STON1: variants seen among roughly 807,000 people sequenced by gnomAD.
STON1 encodes the protein stonin-1.
In STON1, 79 loss-of-function variants were observed where a neutral mutation model predicts 60.9. The observed-to-expected ratio is 1.30, with a 90% CI of 1.08 to 1.56. The LOEUF (loss-of-function observed/expected upper bound fraction) is 1.56. STON1 is among the 40% of genes most tolerant of loss of function. The pLI, the probability that STON1 is intolerant of heterozygous loss-of-function variation, is 0.00. For missense variants in STON1, 1,166 were observed against 858.9 expected, an observed-to-expected ratio of 1.36 and a Z score of -4.47; for synonymous variants, 363 against 306.9, an observed-to-expected ratio of 1.18 and a Z score of -1.91.
chr2:48,564,718 T>TTC (rs1474797771), intron 1 of STON1, among the ~76,000 whole-genome samples: 8 of 138,998 alleles, frequency 5.8e-5, no homozygotes, highest in African/African-American at 2.1e-4. Flanking sequence ...TTATTTCTTC[T>TTC]TTCTTTCTTT....
intron 1 of STON1, among the ~76,000 whole-genome samples, chr2:48,547,352 G>A (rs1671901335): frequency 6.6e-6 from 1 of 152,146 alleles, no homozygotes; most frequent in Non-Finnish European, 1.5e-5. Flanking sequence ...CATGGAGTGT[G>A]TTCATGACAG....
intron 2 of STON1, among the ~76,000 whole-genome samples, chr2:48,584,234 G>C (rs1674069189): frequency 6.6e-6 from 1 of 152,004 alleles, no homozygotes; most frequent in Non-Finnish European, 1.5e-5. Flanking sequence ...ATTTTTCTTT[G>C]GGGTGGCCTT....
intron 1 of STON1, among the ~76,000 whole-genome samples, chr2:48,541,556 G>A (rs1467883839): frequency 4.0e-5 from 6 of 148,974 alleles, no homozygotes; most frequent in Admixed American, 1.3e-4. Flanking sequence ...AAAATTAGTC[G>A]GGCATGGTGG....
chr2:48,532,346 CTAAA>C (rs10564346), intron 1 of STON1, among the ~76,000 whole-genome samples: 64,533 of 134,096 alleles, frequency 0.48, 15,916 homozygotes, highest in East Asian at 0.8. Flanking sequence ...AAGACTCTGT[CTAAA>C]TAAATAAATA....
chr2:48,552,449 T>C (rs1672143505), intron 1 of STON1, among the ~76,000 whole-genome samples: 1 of 152,120 alleles, frequency 6.6e-6, no homozygotes, highest in Admixed American at 6.6e-5. Context: ...ACAATGTGAA[T>C]GTATTTAATG....
rs183546396 is a variant in STON1 at position 48,598,284 on chromosome 2, C to G, written c.*2982C>G. 3 of 152,612 alleles carry G rather than the reference C, an allele frequency of 2.0e-5. No homozygotes were observed. In the East Asian group the frequency reaches 5.8e-4, roughly 29 times the overall value. 9.5% of individuals were successfully genotyped at this position (152,612 alleles called of 1,614,324 possible). ...AACCTGATGTATATATTAGACAGTT[C>G]TAGGATGTTAGTTCCCTTCATTCCA... On this transcript the variant is annotated 3_prime_UTR_variant, in exon 4 of 4. Transcript: ENST00000404752.
At chr2:48,570,131 T>A (rs1238409306) in intron 1 of STON1, among the ~76,000 whole-genome samples, 1 of 152,154 alleles carries the variant, frequency 6.6e-6, no homozygotes, top group Non-Finnish European at 1.5e-5. Flanking sequence ...GGTCAGGAGT[T>A]TGAGGCCAGC....
intron 1 of STON1, among the ~76,000 whole-genome samples, chr2:48,563,474 G>A (rs1051595902): frequency 3.9e-5 from 6 of 152,212 alleles, no homozygotes; most frequent in Non-Finnish European, 8.8e-5. Context: ...CTTGTCCTGA[G>A]TGATGCTAAG....
At chr2:48,539,659 A>C (rs1354603387) in intron 1 of STON1, among the ~76,000 whole-genome samples, 1 of 151,994 alleles carries the variant, frequency 6.6e-6, no homozygotes, top group Admixed American at 6.6e-5. Flanking sequence ...ATGCCAGCAC[A>C]CCAGGCTAAT....
rs750430401 is a variant in STON1, at chr2:48,581,469, T to G, written c.836T>G (p.Met279Arg). 1.2e-6 allele frequency: 2 copies of G among 1,614,124 alleles called. No homozygotes were observed. ...CAGCCAAAATCCGGATGGTCTTTCA[T>G]GCTGAGAATTCCTGAGAAGAAGAAT... ...RSQPKSGWSF[M>R]LRIPEKKNMM... The change falls in exon 2 of 4, where the codon ATG (methionine) becomes AGG (arginine). Residue 279 changes from methionine to arginine, a missense_variant. Physicochemically the swap from Met to Arg is moderately conservative, Grantham distance 91. Transcript: ENST00000404752.
intron 1 of STON1, among the ~76,000 whole-genome samples, chr2:48,561,679 G>A (rs1672619712): frequency 6.6e-6 from 1 of 152,150 alleles, no homozygotes; most frequent in Non-Finnish European, 1.5e-5. Context: ...ATTGTCAGTT[G>A]TGACAATGAA....
chr2:48,544,862 A>G (rs944305014), intron 1 of STON1, among the ~76,000 whole-genome samples: 2 of 152,206 alleles, frequency 1.3e-5, no homozygotes, highest in Non-Finnish European at 2.9e-5. Flanking sequence ...GTTTGATGCT[A>G]CAAACCTTGT....
chr2:48,582,181 T>C lies in STON1; in HGVS notation c.1548T>C (p.Arg516=). 1 of 1,614,194 alleles carries C rather than the reference T, an allele frequency of 6.2e-7. No individual in the cohort carries two copies. Among genetic ancestry groups the C allele is most frequent in the Non-Finnish European group, 8.5e-7 (1 of 1,180,048 alleles). ...PLDACRFELM[R]FKTLYNGDNL... Reference sequence around the variant, plus strand: ...ATGCCTGCCGGTTTGAGCTGATGCGTTTCAAGACTTTGTATAATGGGGATA... The same window carrying C: ...ATGCCTGCCGGTTTGAGCTGATGCGCTTCAAGACTTTGTATAATGGGGATA... The change falls in exon 2 of 4, where the codon CGT becomes CGC. Residue 516 remains arginine, a synonymous_variant. Transcript: ENST00000404752.
At position 48,582,304 on chromosome 2, in the gene STON1, C is replaced by T; in HGVS notation, c.1671C>T (p.Ser557=). Residue 557 remains serine (S), a synonymous_variant, in exon 2 of 4, where the codon TCC becomes TCT. Coordinates refer to ENST00000404752, the MANE Select transcript of STON1 (RefSeq NM_006873.4). ...TGGCCTCATTGGCGCAGAGGTCATCCTATGCTGGTTCCTTAAGGTCCTGTG... is the reference window on the plus strand; with the variant it reads ...TGGCCTCATTGGCGCAGAGGTCATCTTATGCTGGTTCCTTAAGGTCCTGTG... The part of the protein sequence containing the change: ...VNMASLAQRS[S]YAGSLRSCDN... 2 of 1,614,164 alleles carry T rather than the reference C, an allele frequency of 1.2e-6. No homozygotes were observed. Among genetic ancestry groups the T allele is most frequent in the East Asian group, 2.2e-5 (1 of 44,882 alleles).
intron 1 of STON1, among the ~76,000 whole-genome samples, chr2:48,551,294 A>G (rs1400622483): frequency 6.6e-6 from 1 of 152,186 alleles, no homozygotes; most frequent in Non-Finnish European, 1.5e-5. Context: ...TTGGGGACAT[A>G]GTGCAACAAA....
chr2:48,564,499 TTC>T (rs1200491559), intron 1 of STON1, among the ~76,000 whole-genome samples: 2 of 21,428 alleles, frequency 9.3e-5, no homozygotes, highest in African/African-American at 2.1e-4. Flanking sequence ...CTTCTTCTTC[TTC>T]TTCTTCTTCT....
intron 1 of STON1, among the ~76,000 whole-genome samples, chr2:48,560,238 A>G (rs1672554953): frequency 6.6e-6 from 1 of 152,066 alleles, no homozygotes; most frequent in Non-Finnish European, 1.5e-5. Flanking sequence ...GGGAGAGGAG[A>G]AGGAGGAAAT....
At chr2:48,573,689 T>C (rs1673332731) in intron 1 of STON1, among the ~76,000 whole-genome samples, 2 of 152,170 alleles carry the variant, frequency 1.3e-5, no homozygotes, top group Admixed American at 1.3e-4. Context: ...AGGTATATAC[T>C]CAAGAAAAAG....
intron 1 of STON1, among the ~76,000 whole-genome samples, chr2:48,554,212 TA>T (rs1406079079): frequency 6.6e-6 from 1 of 152,062 alleles, no homozygotes; most frequent in East Asian, 1.9e-4. Flanking sequence ...TCCTTTATTT[TA>T]TTTTATTTAT....
Sources: allele counts gnomAD v4.1 joint callset (sites outside exome capture counted in the v4.1 genomes callset), GRCh38; gene constraint gnomAD v4.1.1; transcripts MANE v1.5; gene names NCBI Gene and HGNC (gene_info 2026-07-23, HGNC 2026-07-21).